The following GTF2IRD1 variants were observed in gnomAD, a reference collection of about 807,000 sequenced individuals.
GTF2IRD1 encodes the protein GTF2I repeat domain containing 1.
In GTF2IRD1, 26 loss-of-function variants were observed where a neutral mutation model predicts 113.2. The ratio of observed to expected loss-of-function variants is 0.23; its 90% CI spans 0.17 to 0.32. The LOEUF (loss-of-function observed/expected upper bound fraction) is 0.32. GTF2IRD1 is among the 10% of genes least tolerant of loss of function. The pLI, the probability that GTF2IRD1 is intolerant of heterozygous loss-of-function variation, is 1.00. For missense variants in GTF2IRD1, 864 were observed against 1,280.8 expected (o/e 0.67, Z 4.97); for synonymous variants, 484 against 529.1 (o/e 0.91, Z 1.17).
intron 1 of GTF2IRD1, among the ~76,000 whole-genome samples, chr7:74,475,853 CT>C (rs1185551077): frequency 1.3e-5 from 2 of 152,188 alleles, no homozygotes; most frequent in Non-Finnish European, 2.9e-5. Flanking sequence ...TGACGGGGGA[CT>C]TCCTGGACTC....
Position 74,492,943 on chromosome 7 carries a change from A to T in GTF2IRD1, c.-6-15132A>T, listed in dbSNP as rs150986781. ...TCCAGTCTTCCTCTACCCTATTTTT[A>T]AAAAATGTTTGTAGAGCTGGGGTCT... On this transcript the variant is annotated intron_variant, in intron 1 of 26. Transcript: ENST00000424337. Among the ~76,000 whole-genome samples, 9 of 151,930 alleles carry T rather than the reference A, an allele frequency of 5.9e-5. 1 individual carries two copies. The highest frequency in any genetic ancestry group is 1.9e-4 in the African/African-American group (8 of 41,426).
In GTF2IRD1 at chr7:74,515,530, C is replaced by T. The variant is rs146945814; in HGVS notation, c.355C>T (p.Leu119=). ...AGGCCGTAGCCTCCCTCGGTCCTCC[C>T]TGGAACATGGCTCAGATGTGTACCT... ...GGGRSLPRSS[L]EHGSDVYLLR... Residue 119 remains leucine (L), a synonymous_variant, in exon 4 of 27, where the codon CTG becomes TTG. Transcript: ENST00000424337. 8.1e-5 allele frequency: 131 copies of T among 1,613,784 alleles called. No individual in the cohort carries two copies. Among genetic ancestry groups the T allele is most frequent in the Non-Finnish European group, 1.0e-4 (121 of 1,179,824 alleles).
intron 1 of GTF2IRD1, among the ~76,000 whole-genome samples, chr7:74,471,075 G>A (rs2117005582): frequency 6.6e-6 from 1 of 152,330 alleles, no homozygotes; most frequent in Middle Eastern, 3.4e-3. Flanking sequence ...AAAGTGCTGG[G>A]ATTACAGGCG....
chr7:74,457,282 G>A (rs561737585), intron 1 of GTF2IRD1, among the ~76,000 whole-genome samples: 1 of 152,198 alleles, frequency 6.6e-6, no homozygotes, highest in Non-Finnish European at 1.5e-5. Context: ...GAACCACCGC[G>A]CCTAGCCAAC....
At chr7:74,475,295 A>G (rs1358639552) in intron 1 of GTF2IRD1, among the ~76,000 whole-genome samples, 11 of 152,172 alleles carry the variant, frequency 7.2e-5, no homozygotes, top group Middle Eastern at 3.4e-3. Flanking sequence ...ATGATACTCA[A>G]CCCTTGTCCA....
intron 9 of GTF2IRD1, among the ~76,000 whole-genome samples, chr7:74,531,074 A>G (rs981629828): frequency 5.3e-5 from 8 of 151,472 alleles, no homozygotes; most frequent in African/African-American, 1.9e-4. Flanking sequence ...ATCTCAAAAA[A>G]TAAAAAATAG....
intron 1 of GTF2IRD1, among the ~76,000 whole-genome samples, chr7:74,459,601 G>A (rs1793230126): frequency 6.6e-6 from 1 of 152,176 alleles, no homozygotes; most frequent in South Asian, 2.1e-4. Flanking sequence ...CTGACCCAGA[G>A]CTATTTGTGT....
At chr7:74,532,122 G>A (rs1187233994) in intron 9 of GTF2IRD1, among the ~76,000 whole-genome samples, 3 of 152,296 alleles carry the variant, frequency 2.0e-5, no homozygotes, top group Middle Eastern at 3.4e-3. Flanking sequence ...CGGGCAGCCC[G>A]TGAGGGCATC....
At chr7:74,589,801 A>G in intron 22 of GTF2IRD1, 50 bp from the exon 23 acceptor site, 1 of 1,139,142 alleles carries the variant, frequency 8.8e-7, no homozygotes. Flanking sequence ...CAGCAGGTCC[A>G]GTGGCTAAGC....
chr7:74,584,921 C>T (rs747079833), intron 22 of GTF2IRD1, among the ~76,000 whole-genome samples: 6 of 152,022 alleles, frequency 3.9e-5, no homozygotes, highest in Non-Finnish European at 8.8e-5. Flanking sequence ...CCTGCCTCCG[C>T]CCCCGGAGTA....
Position 74,602,492 on chromosome 7 carries a change from C to A in GTF2IRD1, c.*59C>A. 1 of 1,420,458 alleles carries A rather than the reference C, an allele frequency of 7.0e-7. No individual in the cohort carries two copies. The highest frequency in any genetic ancestry group is 9.9e-7 in the Non-Finnish European group (1 of 1,008,542). 88.0% of individuals were successfully genotyped at this position (1,420,458 alleles called of 1,614,324 possible). On this transcript the variant is annotated 3_prime_UTR_variant, in exon 27 of 27. Transcript: ENST00000424337. ...GACTAAAGGAAATGTAATTTATGTA[C>A]AAAATGTATATTCGGATATGTATCG...
At chr7:74,536,663 G>C (rs1354126651) in intron 11 of GTF2IRD1, among the ~76,000 whole-genome samples, 1 of 151,768 alleles carries the variant, frequency 6.6e-6, no homozygotes, top group Non-Finnish European at 1.5e-5. Flanking sequence ...AAAATTAGCC[G>C]GGTGTGGTGG....
chr7:74,485,785 G>A (rs1195505605), intron 1 of GTF2IRD1, among the ~76,000 whole-genome samples: 3 of 151,954 alleles, frequency 2.0e-5, no homozygotes, highest in Non-Finnish European at 2.9e-5. Context: ...AATTAGCCGG[G>A]TATGGTGGCG....
intron 16 of GTF2IRD1, among the ~76,000 whole-genome samples, chr7:74,546,168 T>C (rs1798920184): frequency 6.6e-6 from 1 of 150,668 alleles, no homozygotes; most frequent in Non-Finnish European, 1.5e-5. Context: ...TAAGATAAGA[T>C]AACCTCAGTG....
intron 17 of GTF2IRD1, among the ~76,000 whole-genome samples, chr7:74,548,220 A>G (rs1799075211): frequency 6.6e-6 from 1 of 151,672 alleles, no homozygotes; most frequent in Non-Finnish European, 1.5e-5. Flanking sequence ...GATCGAGACC[A>G]TCCTGGCTAA....
At chr7:74,536,746 C>T (rs1488514724) in intron 11 of GTF2IRD1, among the ~76,000 whole-genome samples, 1 of 151,790 alleles carries the variant, frequency 6.6e-6, no homozygotes, top group Non-Finnish European at 1.5e-5. Flanking sequence ...GGAGAGGTTG[C>T]AGTGAGCTGA....
chr7:74,569,255 C>T (rs1800539270), intron 22 of GTF2IRD1, among the ~76,000 whole-genome samples: 1 of 152,230 alleles, frequency 6.6e-6, no homozygotes, highest in African/African-American at 2.4e-5. Context: ...CCCGCACGTC[C>T]ACGCGTGCCA....
rs994468936 is a variant in GTF2IRD1, at chr7:74,515,221, G to A, written c.266-220G>A. On this transcript the variant is annotated intron_variant, in intron 3 of 26. Transcript: ENST00000424337. Reference sequence around the variant, plus strand: ...CAGCAAATTAGAGGTGACCAGAGGTGAGGCCCAGCCCTGGGAACTCTGAGA... The same window carrying A: ...CAGCAAATTAGAGGTGACCAGAGGTAAGGCCCAGCCCTGGGAACTCTGAGA... 8 of 844,832 alleles carry A rather than the reference G, an allele frequency of 9.5e-6. No homozygotes were observed. In the South Asian group the frequency reaches 1.3e-4, roughly 14 times the overall value. The allele number at this position is 844,832 out of a possible 1,614,324, so 52.3% of individuals were successfully genotyped here.
chr7:74,546,976 C>G, intron 16 of GTF2IRD1, 127 bp from the exon 17 acceptor site: 2 of 809,882 alleles, frequency 2.5e-6, no homozygotes, highest in South Asian at 3.3e-5. Flanking sequence ...TTCCACATCC[C>G]AGGAAAGCTG....
Sources: gnomAD v4.1 joint callset for allele counts (sites outside exome capture counted in the v4.1 genomes callset) on GRCh38, gnomAD v4.1.1 for gene constraint, MANE v1.5 for transcripts, NCBI Gene and HGNC (gene_info 2026-07-23, HGNC 2026-07-21) for gene names.